The following SCUBE1 variants were observed in gnomAD, a reference collection of about 807,000 sequenced individuals.
The protein encoded by SCUBE1 is signal peptide, CUB domain and EGF like domain containing 1.
A neutral mutation model predicts 124.4 loss-of-function variants in SCUBE1; 59 were observed. That is an observed-to-expected ratio of 0.47 (90% CI 0.38 to 0.59). The LOEUF (loss-of-function observed/expected upper bound fraction) is 0.59, where lower values mean the gene tolerates loss of function less well. SCUBE1 is among the 20% of genes least tolerant of loss of function. The pLI is 0.00. For synonymous variants in SCUBE1, 545 were observed against 550.9 expected (o/e 0.99, Z 0.15); for missense variants, 1,150 against 1,371.2 (o/e 0.84, Z 2.55).
chr22:43,220,409 C>T (rs1175985860), intron 14 of SCUBE1, 41 bp downstream of exon 14: 1 of 1,603,068 alleles, frequency 6.2e-7, no homozygotes, highest in African/African-American at 1.3e-5. Context: ...TGTCGTCCTC[C>T]TTCAGGCCTG....
At chr22:43,219,250 G>A (rs1921975682) in intron 14 of SCUBE1, among the ~76,000 whole-genome samples, 1 of 152,066 alleles carries the variant, frequency 6.6e-6, no homozygotes, top group Admixed American at 6.6e-5. Context: ...TGTGACTGGT[G>A]AAGACATAGG....
intron 9 of SCUBE1, among the ~76,000 whole-genome samples, chr22:43,228,650 T>C (rs1922423440): frequency 6.6e-6 from 1 of 152,098 alleles, no homozygotes; most frequent in Non-Finnish European, 1.5e-5. Context: ...CCCTCTGGAG[T>C]GCCTCCCTAC....
chr22:43,221,095 C>A, intron 13 of SCUBE1, 78 bp downstream of exon 13: 7 of 1,161,466 alleles, frequency 6.0e-6, no homozygotes, highest in Non-Finnish European at 8.8e-6. Context: ...TCGCTGGACC[C>A]TGGGGCCCCA....
intron 4 of SCUBE1, among the ~76,000 whole-genome samples, chr22:43,280,477 TTCCCCTCACCCATCCCC>T (rs1468443591): frequency 0.018 from 1,007 of 56,050 alleles, 32 homozygotes; most frequent in African/African-American, 0.032. Flanking sequence ...CTCCCGTCCC[TTCCCCTCACCCATCCCC>T]GTCCCTTCCC....
chr22:43,247,782 C>A (rs961001842), intron 6 of SCUBE1, among the ~76,000 whole-genome samples: 1 of 152,208 alleles, frequency 6.6e-6, no homozygotes, highest in Non-Finnish European at 1.5e-5. Flanking sequence ...GGGGCCCGGT[C>A]GGGCCTGTTT....
At chr22:43,231,982 C>T (rs1922573654) in intron 7 of SCUBE1, 107 bp from the exon 8 acceptor site, 5 of 1,392,372 alleles carry the variant, frequency 3.6e-6, no homozygotes, top group South Asian at 1.3e-5. Context: ...CCCTGAGTTG[C>T]CTGGTGCCCA....
In SCUBE1 at chr22:43,320,029, C is replaced by A. The variant is rs1325406299; in HGVS notation, c.257G>T (p.Gly86Val). The A allele has an allele frequency of 6.2e-7, 1 of 1,614,062 alleles. No individual in the cohort carries two copies. The highest frequency in any genetic ancestry group is 1.1e-5 in the South Asian group (1 of 91,078). The change falls in exon 3 of 22, where the codon GGC becomes GTC. Residue 86 changes from glycine (G) to valine (V), a missense_variant. By Grantham distance (109) the Gly-to-Val change is moderately radical. Coordinates refer to ENST00000360835, the MANE Select transcript of SCUBE1 (RefSeq NM_173050.5). Reference sequence around the variant, plus strand: ...GATGTTGATGCACTCGTGGACACAGCCCCCATTGTAGTAGTCATTCTCACA... The same window carrying A: ...GATGTTGATGCACTCGTGGACACAGACCCCATTGTAGTAGTCATTCTCACA... ...DECENDYYNG[G>V]CVHECINIPG... is the part of the protein sequence containing the mutation.
intron 2 of SCUBE1, among the ~76,000 whole-genome samples, chr22:43,324,136 G>A (rs909865735): frequency 6.6e-6 from 1 of 152,168 alleles, no homozygotes; most frequent in Non-Finnish European, 1.5e-5. Context: ...TCCTGGCACA[G>A]TATCAGTTTA....
intron 1 of SCUBE1, among the ~76,000 whole-genome samples, chr22:43,341,799 G>A (rs1396232020): frequency 6.6e-6 from 1 of 152,134 alleles, no homozygotes; most frequent in Non-Finnish European, 1.5e-5. Flanking sequence ...TGCTTATGCT[G>A]GGGACATGCT....
rs1920959388 is a variant in SCUBE1, at chr22:43,198,627, T to C, written c.*5370A>G. The stretch of plus-strand genomic sequence containing the variant: ...TGATGTCGGCTCGGCATGGACACCT[T>C]GTGCATCTTTGGTGAAAAGGGACCT... On this transcript the variant is annotated 3_prime_UTR_variant, in exon 22 of 22. Transcript: ENST00000360835. The C allele has an allele frequency of 4.4e-6, 2 of 456,730 alleles. No individual in the cohort carries two copies. The highest frequency in any genetic ancestry group is 8.8e-6 in the Non-Finnish European group (2 of 226,964). 28.3% of individuals were successfully genotyped at this position (456,730 alleles called of 1,614,324 possible).
intron 3 of SCUBE1, among the ~76,000 whole-genome samples, chr22:43,296,179 C>T (rs1295133485): frequency 6.6e-6 from 1 of 152,196 alleles, no homozygotes; most frequent in Non-Finnish European, 1.5e-5. Context: ...CCACACAGCG[C>T]TCAAAAACCC....
rs1352727562 is a variant in SCUBE1, at chr22:43,197,844, G to A, written c.*6153C>T. 2.0e-5 allele frequency: 3 copies of A among 152,258 alleles called. No individual in the cohort carries two copies. Among genetic ancestry groups the A allele is most frequent in the East Asian group, 1.9e-4 (1 of 5,206 alleles). The allele number at this position is 152,258 out of a possible 1,614,324, so 9.4% of individuals were successfully genotyped here. A position where few individuals can be genotyped will look rare whatever the true frequency, so the allele number is the denominator to read the frequency against. ...TTTTTCGTGCTTGTGAAGGAGGGAA[G>A]GAATGTCACTGAAGTCACCCTGGCC... On this transcript the variant is annotated 3_prime_UTR_variant, in exon 22 of 22. Coordinates refer to ENST00000360835, the MANE Select transcript of SCUBE1 (RefSeq NM_173050.5).
intron 3 of SCUBE1, among the ~76,000 whole-genome samples, chr22:43,302,893 C>G (rs1320841462): frequency 6.6e-6 from 1 of 152,202 alleles, no homozygotes; most frequent in Admixed American, 6.5e-5. Context: ...CTGCGCCTAC[C>G]CAGGCCCAGC....
intron 8 of SCUBE1, among the ~76,000 whole-genome samples, chr22:43,229,694 G>A (rs1470336197): frequency 6.6e-6 from 1 of 152,196 alleles, no homozygotes; most frequent in Non-Finnish European, 1.5e-5. Flanking sequence ...AAGAGAAGAG[G>A]AAATATGCCA....
chr22:43,292,754 T>C (rs1035466394), intron 3 of SCUBE1, among the ~76,000 whole-genome samples: 1 of 152,200 alleles, frequency 6.6e-6, no homozygotes, highest in Admixed American at 6.5e-5. Flanking sequence ...TTTAGACTCA[T>C]GGACGACAGA....
intron 8 of SCUBE1, among the ~76,000 whole-genome samples, chr22:43,230,368 C>T (rs1601813879): frequency 6.6e-6 from 1 of 151,586 alleles, no homozygotes; most frequent in East Asian, 1.9e-4. Context: ...AGCAAAGGAG[C>T]ATGGACGCTT....
At chr22:43,247,497 C>G (rs1923263091) in intron 6 of SCUBE1, among the ~76,000 whole-genome samples, 1 of 152,242 alleles carries the variant, frequency 6.6e-6, no homozygotes, top group South Asian at 2.1e-4. Context: ...ATGACACAGC[C>G]TGGCTGAGCA....
intron 2 of SCUBE1, among the ~76,000 whole-genome samples, chr22:43,321,528 A>C (rs1027588411): frequency 5.3e-5 from 8 of 152,220 alleles, no homozygotes; most frequent in Admixed American, 3.9e-4. Flanking sequence ...GGGGATAACA[A>C]ACAGCAGAAG....
intron 6 of SCUBE1, among the ~76,000 whole-genome samples, chr22:43,244,400 G>A (rs531437053): frequency 3.9e-5 from 6 of 152,368 alleles, no homozygotes; most frequent in South Asian, 4.1e-4. Context: ...CCAGCACGGC[G>A]GAGGTGTCTA....
Sources: gnomAD v4.1 joint callset for allele counts (sites outside exome capture counted in the v4.1 genomes callset) on GRCh38, gnomAD v4.1.1 for gene constraint, MANE v1.5 for transcripts, NCBI Gene and HGNC (gene_info 2026-07-23, HGNC 2026-07-21) for gene names.